CRYBG3: variants seen among roughly 807,000 people sequenced by gnomAD.
The protein encoded by CRYBG3 is crystallin beta-gamma domain containing 3, also known as very large A-kinase anchor protein.
In CRYBG3, 127 loss-of-function variants were observed where a neutral mutation model predicts 244.2. The ratio of observed to expected loss-of-function variants is 0.52; its 90% CI spans 0.45 to 0.60. The LOEUF (loss-of-function observed/expected upper bound fraction) is 0.60, where lower values mean the gene tolerates loss of function less well. Among genes scored for constraint, CRYBG3 ranks in the 20% least tolerant of loss-of-function variants. The probability of loss-of-function intolerance (pLI) is 0.00; values close to 1 mark genes in which losing one functional copy is unlikely to be tolerated. For synonymous variants in CRYBG3, 1,132 were observed against 1,195.8 expected (o/e 0.95, Z 1.10); for missense variants, 3,325 against 3,442.5 (o/e 0.97, Z 0.85).
chr3:97,889,276 C>A, intron 9 of CRYBG3, 79 bp from the exon 10 acceptor site: 1 of 1,081,716 alleles, frequency 9.2e-7, no homozygotes, highest in Non-Finnish European at 1.4e-6. Flanking sequence ...ATGTAACCTA[C>A]ATATATCACT....
chr3:97,937,805 T>A (rs989709968), intron 19 of CRYBG3, among the ~76,000 whole-genome samples: 1 of 152,030 alleles, frequency 6.6e-6, no homozygotes, highest in Non-Finnish European at 1.5e-5. Flanking sequence ...AATGAATATA[T>A]CAGTGGATGG....
chr3:97,893,540 C>T (rs2039605376), intron 11 of CRYBG3, among the ~76,000 whole-genome samples: 1 of 152,254 alleles, frequency 6.6e-6, no homozygotes, highest in South Asian at 2.1e-4. Flanking sequence ...TCAGCAGTTC[C>T]TGGGGCAGAA....
At chr3:97,836,729 G>A (rs1377842326) in intron 1 of CRYBG3, among the ~76,000 whole-genome samples, 1 of 152,160 alleles carries the variant, frequency 6.6e-6, no homozygotes, top group African/African-American at 2.4e-5. Context: ...AAGGAGGGCT[G>A]AGAGGTGGAA....
chr3:97,911,065 T>C (rs1057492276), intron 15 of CRYBG3, among the ~76,000 whole-genome samples: 3 of 152,164 alleles, frequency 2.0e-5, no homozygotes, highest in Non-Finnish European at 2.9e-5. Context: ...ACAGATGATA[T>C]GGGGAAGTAG....
Position 97,864,489 on chromosome 3 carries a change from T to C in CRYBG3, c.489T>C (p.His163=). 6.5e-7 allele frequency: 1 copy of C among 1,535,956 alleles called. No homozygotes were observed. The highest frequency in any genetic ancestry group is 1.2e-5 in the South Asian group (1 of 84,046). Residue 163 remains histidine (H), a synonymous_variant, in exon 3 of 22, where the codon CAT becomes CAC. Coordinates refer to ENST00000389622, the MANE Select transcript of CRYBG3 (RefSeq NM_153605.4). Reference sequence around the variant, plus strand: ...ATTTACAAAATCCCAGTGACCATCATGAAGACGGGATCAAAAGGGAGAGAG... The same window carrying C: ...ATTTACAAAATCCCAGTGACCATCACGAAGACGGGATCAAAAGGGAGAGAG... The part of the protein sequence containing the change: ...EKDLQNPSDH[H]EDGIKREREI...
chr3:97,882,734 A>G (rs540511597), intron 7 of CRYBG3, among the ~76,000 whole-genome samples: 2 of 152,306 alleles, frequency 1.3e-5, no homozygotes, highest in South Asian at 4.1e-4. Context: ...GATGACTTGG[A>G]TTGTTATTAT....
chr3:97,916,292 C>T (rs375809710), intron 17 of CRYBG3, among the ~76,000 whole-genome samples: 1 of 152,138 alleles, frequency 6.6e-6, no homozygotes, highest in African/African-American at 2.4e-5. Flanking sequence ...AAGGCATGGG[C>T]CACCACAGAT....
intron 18 of CRYBG3, among the ~76,000 whole-genome samples, chr3:97,935,274 C>T (rs1472214474): frequency 3.3e-5 from 5 of 151,962 alleles, no homozygotes; most frequent in African/African-American, 1.2e-4. Context: ...TAAAATCTTA[C>T]CTAGATTTTA....
intron 1 of CRYBG3, among the ~76,000 whole-genome samples, chr3:97,830,317 C>T (rs1396658479): frequency 6.6e-6 from 1 of 152,006 alleles, no homozygotes; most frequent in Admixed American, 6.6e-5. Context: ...TCACATCTAC[C>T]AGTTTACCCC....
chr3:97,835,119 G>A (rs966199119), intron 1 of CRYBG3, among the ~76,000 whole-genome samples: 2 of 151,970 alleles, frequency 1.3e-5, no homozygotes, highest in African/African-American at 4.8e-5. Flanking sequence ...TGACAATAAT[G>A]CGTATATTTA....
intron 15 of CRYBG3, among the ~76,000 whole-genome samples, chr3:97,902,083 G>A (rs907853191): frequency 1.3e-5 from 2 of 152,108 alleles, no homozygotes; most frequent in Non-Finnish European, 1.5e-5. Flanking sequence ...TGACACGCTG[G>A]TTCCGTTCAA....
In CRYBG3 at chr3:97,871,945, G is replaced by A. The variant is rs2039307179; in HGVS notation, c.751G>A (p.Val251Met). Reference protein sequence around the residue: ...YLKQQTGLATVNTLDRENESS... With the variant: ...YLKQQTGLATMNTLDRENESS... ...AAAGCAACAGACAGGCTTGGCAACT[G>A]TGAATACCTTGGACAGAGAAAATGA... The change falls in exon 4 of 22, where the codon GTG (valine) becomes ATG (methionine). Residue 251 changes from valine (V) to methionine (M), a missense_variant. Around this residue, in one of 4 missense-constraint regions of CRYBG3, gnomAD observed 1,526 missense variants for 1,443.2 expected, o/e 1.06. Transcript: ENST00000389622. 6.5e-7 allele frequency: 1 copy of A among 1,535,688 alleles called. No homozygotes were observed. Among genetic ancestry groups the A allele is most frequent in the African/African-American group, 1.4e-5 (1 of 72,996 alleles).
At chr3:97,907,913 T>A (rs1315932034) in intron 15 of CRYBG3, among the ~76,000 whole-genome samples, 1 of 151,816 alleles carries the variant, frequency 6.6e-6, no homozygotes, top group Non-Finnish European at 1.5e-5. Flanking sequence ...TACACACTGC[T>A]TTGAATGCGT....
At chr3:97,942,621 AAAC>A (rs2040256858) in intron 21 of CRYBG3, 178 bp downstream of exon 21, 4 of 579,074 alleles carry the variant, frequency 6.9e-6, no homozygotes, top group African/African-American at 1.9e-5. Flanking sequence ...AGAAAAAGCC[AAAC>A]AACAAAGCTT....
rs2039331737 is a variant in CRYBG3 at position 97,873,589 on chromosome 3, A to T, written c.2395A>T (p.Lys799Ter). ...NTKANMSIIE[K>*]SDSLSLEAKT... ...TAAAGCAAATATGAGCATAATAGAG[A>T]AGTCTGATTCTCTTTCCTTGGAAGC... The change falls in exon 4 of 22, where the codon AAG (lysine) becomes TAG (stop). Residue 799 changes from lysine to a stop codon, truncating the protein, a stop_gained. Transcript: ENST00000389622. LOFTEE classifies it high-confidence loss of function. The T allele has an allele frequency of 2.0e-6, 3 of 1,534,954 alleles. No homozygotes were observed. Among genetic ancestry groups the T allele is most frequent in the Non-Finnish European group, 2.6e-6 (3 of 1,146,484 alleles).
At chr3:97,900,764 C>T (rs183312364) in intron 15 of CRYBG3, among the ~76,000 whole-genome samples, 12 of 152,306 alleles carry the variant, frequency 7.9e-5, no homozygotes, top group Admixed American at 7.9e-4. Context: ...TCTTTCCCAT[C>T]GTCCATTATT....
chr3:97,832,380 A>G (rs1245740786), intron 1 of CRYBG3, among the ~76,000 whole-genome samples: 2 of 152,170 alleles, frequency 1.3e-5, no homozygotes, highest in Non-Finnish European at 2.9e-5. Context: ...TACATAGACC[A>G]ATGGAACAGA....
chr3:97,917,758 ATTTG>A (rs1293676143), intron 17 of CRYBG3, among the ~76,000 whole-genome samples: 1 of 152,092 alleles, frequency 6.6e-6, no homozygotes, highest in East Asian at 1.9e-4. Flanking sequence ...TCAGGAGGTT[ATTTG>A]TTGAGCATAA....
intron 12 of CRYBG3, among the ~76,000 whole-genome samples, chr3:97,896,522 G>A (rs1194217085): frequency 6.6e-6 from 1 of 152,190 alleles, no homozygotes; most frequent in East Asian, 1.9e-4. Flanking sequence ...ACAGCTGGCT[G>A]AAATTTCAAG....
Sources: gnomAD v4.1 joint callset for allele counts (sites outside exome capture counted in the v4.1 genomes callset) on GRCh38, gnomAD v4.1.1 for gene constraint, gnomAD v4.1.1 regional missense constraint, MANE v1.5 for transcripts, NCBI Gene and HGNC (gene_info 2026-07-23, HGNC 2026-07-21) for gene names.